Variants in PNPLA7 observed in about 807,000 individuals in gnomAD.
The protein encoded by PNPLA7 is patatin-like phospholipase domain-containing protein 7.
Under a neutral mutation model 161.7 loss-of-function variants are expected in PNPLA7, and 153 were observed. That is an observed-to-expected ratio of 0.95 (90% confidence interval 0.83 to 1.08). The LOEUF (loss-of-function observed/expected upper bound fraction) is 1.08. Among genes scored for constraint, PNPLA7 ranks in the 50% least tolerant of loss-of-function variants. PNPLA7 has a pLI of 0.00. For missense variants in PNPLA7, 1,739 were observed against 1,856.6 expected (o/e 0.94, Z 1.16); for synonymous variants, 809 against 782.1 (o/e 1.03, Z -0.57).
intron 20 of PNPLA7, among the ~76,000 whole-genome samples, chr9:137,485,200 C>A (rs931312311): frequency 2.6e-5 from 4 of 152,282 alleles, no homozygotes; most frequent in Non-Finnish European, 4.4e-5. Context: ...GGCCCAGGCC[C>A]AGGGAGTGGA....
At chr9:137,470,027 TTTTTTA>T (rs1831639955) in intron 25 of PNPLA7, among the ~76,000 whole-genome samples, 1 of 152,298 alleles carries the variant, frequency 6.6e-6, no homozygotes, top group South Asian at 2.1e-4. Context: ...AATCTATTTA[TTTTTTA>T]TTTTTATTTT....
rs1022509882 is a variant in PNPLA7 at position 137,467,533 on chromosome 9, G to A, written c.2883-60C>T. 3.2e-6 allele frequency: 5 copies of A among 1,582,198 alleles called. No homozygotes were observed. The highest frequency in any genetic ancestry group is 1.3e-5 in the African/African-American group (1 of 74,470). Reference sequence around the variant, plus strand: ...TACCAGGCCCAGGCTGCGCCCTGCAGAGGCCTTGTGCTCATCCTCAGTTCC... The same window carrying A: ...TACCAGGCCCAGGCTGCGCCCTGCAAAGGCCTTGTGCTCATCCTCAGTTCC... On this transcript the variant is annotated intron_variant, in intron 25 of 34. Coordinates refer to ENST00000406427, the MANE Select transcript of PNPLA7 (RefSeq NM_001098537.3). This position sits in a 1 kb window ranked among gnomAD's most constrained non-coding sequence, Gnocchi z 5.1.
chr9:137,486,891 C>A lies in PNPLA7; in HGVS notation c.2198-2155G>T, dbSNP rs6559239. ...TGCGGTCCCTGAGAGCTGCTGGTGA[C>A]CCCCACACCACACAGCTCTCTTCCT... On this transcript the variant is annotated intron_variant, in intron 20 of 34. Coordinates refer to ENST00000406427, the MANE Select transcript of PNPLA7 (RefSeq NM_001098537.3). The surrounding 1 kb of genome is among the most constrained non-coding windows in gnomAD (Gnocchi z 6.0). 7.2e-3 allele frequency among the ~76,000 whole-genome samples: 1,089 copies of A among 152,020 alleles called. 8 individuals are homozygous for A. Among genetic ancestry groups the A allele is most frequent in the African/African-American group, 0.025 (1,042 of 41,442 alleles).
chr9:137,510,691 G>C (rs1834176448), intron 12 of PNPLA7, among the ~76,000 whole-genome samples: 1 of 152,138 alleles, frequency 6.6e-6, no homozygotes, highest in South Asian at 2.1e-4. Context: ...TTATCTCTTT[G>C]TCTTGTGTCT....
Position 137,463,430 on chromosome 9 carries a change from T to A in PNPLA7, c.3328A>T (p.Ile1110Phe). 5.0e-6 allele frequency: 8 copies of A among 1,603,186 alleles called. No individual in the cohort carries two copies. The highest frequency in any genetic ancestry group is 6.8e-6 in the Non-Finnish European group (8 of 1,174,990). ...DGHLLMDGGY[I>F]NNLPADVARS... ...ACCGCAGTACCTGGGAGGTTGTTGA[T>A]GTAGCCCCCGTCCATCAGCAGGTGT... The change falls in exon 29 of 35, where the codon ATC (isoleucine) becomes TTC (phenylalanine). Residue 1110 changes from isoleucine (I) to phenylalanine (F), a missense_variant. Ile to Phe is a conservative substitution (Grantham distance 21). Transcript: ENST00000406427.
chr9:137,498,333 C>T, intron 16 of PNPLA7, 88 bp from the exon 17 acceptor site: 2 of 1,548,316 alleles, frequency 1.3e-6, no homozygotes, highest in African/African-American at 1.3e-5. Context: ...GGATGGGACC[C>T]ACAACCCCCA....
chr9:137,496,703 T>A (rs1261852154), intron 18 of PNPLA7, among the ~76,000 whole-genome samples: 1 of 151,940 alleles, frequency 6.6e-6, no homozygotes, highest in Non-Finnish European at 1.5e-5. Flanking sequence ...AAGAGTGAAA[T>A]TCCGTCTCAA....
chr9:137,484,748 A>T lies in PNPLA7; in HGVS notation c.2198-12T>A. The T allele has an allele frequency of 6.2e-7, 1 of 1,600,166 alleles. No individual in the cohort carries two copies. ...CCCAAGCTGGTGGCCTGTGGAGCAA[A>T]GGACCCACGTCAGCTGGGACAGCCC... On this transcript the variant is annotated splice_polypyrimidine_tract_variant and intron_variant, in intron 20 of 34. Coordinates refer to ENST00000406427, the MANE Select transcript of PNPLA7 (RefSeq NM_001098537.3).
At chr9:137,497,413 C>T (rs559961163) in intron 17 of PNPLA7, 103 bp from the exon 18 acceptor site, 38 of 1,124,136 alleles carry the variant, frequency 3.4e-5, no homozygotes, top group Non-Finnish European at 4.3e-5. Context: ...AAAGAAAATG[C>T]AGGCTTCTCA....
intron 32 of PNPLA7, 33 bp from the exon 33 acceptor site, chr9:137,461,653 T>A: frequency 6.5e-7 from 1 of 1,527,834 alleles, no homozygotes; most frequent in Non-Finnish European, 8.9e-7. Flanking sequence ...ACGTTGCCTG[T>A]GGACACCCGC....
intron 12 of PNPLA7, chr9:137,509,247 A>G: frequency 6.5e-6 from 1 of 153,696 alleles, no homozygotes; most frequent in Non-Finnish European, 1.5e-5. Flanking sequence ...GCGTGAATTT[A>G]GCTGGCATGA....
intron 8 of PNPLA7, among the ~76,000 whole-genome samples, chr9:137,525,593 A>G (rs1835260144): frequency 6.6e-6 from 1 of 152,106 alleles, no homozygotes; most frequent in South Asian, 2.1e-4. Context: ...TCTCGGAGAG[A>G]TCAAACACTT....
At position 137,540,683 on chromosome 9, in the gene PNPLA7, C is replaced by T; in HGVS notation, c.706G>A (p.Asp236Asn). The stretch of plus-strand genomic sequence containing the variant: ...ATGCTGAGCAGGCTGTGGACGCTGT[C>T]TCCCGCCAGAACCTCTTTCACCACC... ...EVVVKEVLAG[D>N]SVHSLLSILD... Residue 236 changes from aspartate (D) to asparagine (N), a missense_variant, in exon 8 of 35, where the codon GAC (aspartate) becomes AAC (asparagine). Asp to Asn is a conservative substitution (Grantham distance 23, BLOSUM62 1). Transcript: ENST00000406427. The surrounding 1 kb of genome is among the most constrained non-coding windows in gnomAD (Gnocchi z 5.1). 1 of 1,612,088 alleles carries T rather than the reference C, an allele frequency of 6.2e-7. No individual in the cohort carries two copies. The highest frequency in any genetic ancestry group is 8.5e-7 in the Non-Finnish European group (1 of 1,179,438).
chr9:137,518,567 G>A (rs1459294022), intron 11 of PNPLA7, among the ~76,000 whole-genome samples: 1 of 49,846 alleles, frequency 2.0e-5, no homozygotes, highest in African/African-American at 9.0e-5. Flanking sequence ...GCTCCACTCT[G>A]TCCACTCCAT....
chr9:137,545,031 T>A (rs572395178), intron 4 of PNPLA7, among the ~76,000 whole-genome samples: 1 of 152,140 alleles, frequency 6.6e-6, no homozygotes, highest in Non-Finnish European at 1.5e-5. Context: ...GGGATCAGTC[T>A]GTGCGGTTTC....
At position 137,497,262 on chromosome 9, in the gene PNPLA7, C is replaced by T. The variant is rs753238214; in HGVS notation, c.1938G>A (p.Leu646=). 2 of 1,589,416 alleles carry T rather than the reference C, an allele frequency of 1.3e-6. No individual in the cohort carries two copies. Among genetic ancestry groups the T allele is most frequent in the South Asian group, 1.1e-5 (1 of 87,140 alleles). ...CATCATCCTTCCGGATCACAGAGCG[C>T]AGCCGGCCGCTGAGCATGATGTACG... ...DCTYIMLSGR[L]RSVIRKDDGK... The change falls in exon 18 of 35, where the codon CTG becomes CTA. Residue 646 remains leucine, a synonymous_variant. Coordinates refer to ENST00000406427, the MANE Select transcript of PNPLA7 (RefSeq NM_001098537.3).
chr9:137,495,320 T>A (rs536614536), intron 18 of PNPLA7, among the ~76,000 whole-genome samples, 174 bp from the exon 19 acceptor site: 8 of 152,326 alleles, frequency 5.3e-5, no homozygotes, highest in Non-Finnish European at 1.2e-4. Context: ...CACTGGAACA[T>A]GCCAGAAGCC....
At chr9:137,488,230 C>T (rs966470180) in intron 20 of PNPLA7, among the ~76,000 whole-genome samples, 2 of 151,988 alleles carry the variant, frequency 1.3e-5, no homozygotes, top group East Asian at 1.9e-4. Flanking sequence ...TCTGATGTCT[C>T]GTCCCGAGCT....
chr9:137,532,213 G>T (rs2132553693), intron 8 of PNPLA7, among the ~76,000 whole-genome samples: 1 of 152,382 alleles, frequency 6.6e-6, no homozygotes, highest in East Asian at 1.9e-4. Context: ...CAGGAGGGCA[G>T]ATCGCTTGAG....
Sources: gnomAD v4.1 joint callset for allele counts (sites outside exome capture counted in the v4.1 genomes callset) on GRCh38, gnomAD v4.1.1 for gene constraint, Gnocchi (gnomAD v3.1) non-coding constraint, MANE v1.5 for transcripts, NCBI Gene and HGNC (gene_info 2026-07-23, HGNC 2026-07-21) for gene names.